Variants in PCLO observed in about 807,000 individuals in gnomAD.
The protein encoded by PCLO is protein piccolo.
In PCLO, 82 loss-of-function variants were observed where a neutral mutation model predicts 427.5. That is an observed-to-expected ratio of 0.19 (90% CI 0.16 to 0.23). PCLO has a LOEUF of 0.23. Ranked by LOEUF, PCLO falls within the 10% of genes least tolerant of loss-of-function variation. The probability of loss-of-function intolerance (pLI) is 1.00; values close to 1 mark genes in which losing one functional copy is unlikely to be tolerated. For synonymous variants in PCLO, 2,357 were observed against 2,155.4 expected (o/e 1.09, Z -2.59); for missense variants, 6,239 against 6,115.9 (o/e 1.02, Z -0.67).
intron 3 of PCLO, among the ~76,000 whole-genome samples, chr7:83,075,095 C>T (rs528379020): frequency 5.7e-4 from 86 of 152,166 alleles, no homozygotes; most frequent in South Asian, 1.4e-3. Context: ...CTTAGAGACC[C>T]TTGCTGAAAT....
In PCLO at chr7:82,955,621, C is replaced by T; in HGVS notation, c.5332G>A (p.Glu1778Lys). ...PTIEDSSEEE[E>K]LREEEELLKE... ...AATAATTCTTCTTCCTCTCTCAATT[C>T]TTCTTCCTCTGAAGAATCTTCAATA... The change falls in exon 5 of 25, where the codon GAA becomes AAA. Residue 1778 changes from glutamate to lysine, a missense_variant. Glu to Lys is a moderately conservative substitution (Grantham distance 56). Coordinates refer to ENST00000333891, the MANE Select transcript of PCLO (RefSeq NM_033026.6). 6.2e-7 allele frequency: 1 copy of T among 1,613,920 alleles called. No homozygotes were observed. Among genetic ancestry groups the T allele is most frequent in the Non-Finnish European group, 8.5e-7 (1 of 1,179,864 alleles).
intron 22 of PCLO, 113 bp downstream of exon 22, chr7:82,801,405 C>G (rs934322862): frequency 3.3e-6 from 2 of 613,232 alleles, no homozygotes; most frequent in African/African-American, 3.8e-5. Context: ...CTACCTATTG[C>G]TTTTGCCATT....
chr7:82,812,727 A>AT (rs1266586582), intron 20 of PCLO, among the ~76,000 whole-genome samples: 1 of 151,608 alleles, frequency 6.6e-6, no homozygotes, highest in Admixed American at 6.6e-5. Context: ...GATTAATAGC[A>AT]TGGGGGATCA....
intron 3 of PCLO, among the ~76,000 whole-genome samples, chr7:83,043,852 T>C (rs912406121): frequency 6.6e-6 from 1 of 152,004 alleles, no homozygotes; most frequent in Admixed American, 6.6e-5. Flanking sequence ...AATCATAACC[T>C]TGTTTTCTTC....
Position 82,956,446 on chromosome 7 carries a change from T to G in PCLO, c.4507A>C (p.Ile1503Leu), listed in dbSNP as rs779343480. 6.2e-7 allele frequency: 1 copy of G among 1,613,790 alleles called. No individual in the cohort carries two copies. Among genetic ancestry groups the G allele is most frequent in the Admixed American group, 1.7e-5 (1 of 60,016 alleles). ...TCATAAGGCTCTCTTCTAGTAGTTA[T>G]GTCATCAACAAACTCAGACTTCTCT... ...HKEKSEFVDD[I>L]TTRREPYDSV... Residue 1503 changes from isoleucine (I) to leucine (L), a missense_variant, in exon 5 of 25, where the codon ATA (isoleucine) becomes CTA (leucine). Ile to Leu is a conservative substitution (Grantham distance 5). Transcript: ENST00000333891.
rs1796264289 is a variant in PCLO, at chr7:82,986,705, T to C, written c.3301-20218A>G. Among the ~76,000 whole-genome samples, 4 of 152,018 alleles carry C rather than the reference T, an allele frequency of 2.6e-5. No homozygotes were observed. The South Asian group carries it at 8.3e-4, about 31-fold the overall frequency. On this transcript the variant is annotated intron_variant, in intron 3 of 24. Coordinates refer to ENST00000333891, the MANE Select transcript of PCLO (RefSeq NM_033026.6). ...AAGGCACATTTAATTAAAAGTTGAG[T>C]TGATGTCTAAAATGGGGATAGATTG...
intron 6 of PCLO, among the ~76,000 whole-genome samples, chr7:82,930,238 T>C (rs1218006777): frequency 6.6e-6 from 1 of 152,038 alleles, no homozygotes; most frequent in Admixed American, 6.6e-5. Flanking sequence ...AAAACACAAG[T>C]ACACGTATGT....
chr7:83,005,977 TTTTG>T (rs1041403469), intron 3 of PCLO, among the ~76,000 whole-genome samples: 2 of 151,642 alleles, frequency 1.3e-5, no homozygotes, highest in Non-Finnish European at 3.0e-5. Flanking sequence ...AAGTATGAAT[TTTTG>T]TTTGTTTCCT....
In PCLO at chr7:82,754,782, A is replaced by G. The variant is rs1368688398; in HGVS notation, c.*3793T>C. ...TACACCCAAGGCAAGTAATTATTAA[A>G]TAAATAGCTCATAATTATTCATTGA... On this transcript the variant is annotated 3_prime_UTR_variant, in exon 25 of 25. Coordinates refer to ENST00000333891, the MANE Select transcript of PCLO (RefSeq NM_033026.6). 6.6e-6 allele frequency: 1 copy of G among 152,112 alleles called. No individual in the cohort carries two copies. The highest frequency in any genetic ancestry group is 1.5e-5 in the Non-Finnish European group (1 of 67,970). The allele number at this position is 152,112 out of a possible 1,614,324, so 9.4% of individuals were successfully genotyped here. A position where few individuals can be genotyped will look rare whatever the true frequency, so the allele number is the denominator to read the frequency against.
In PCLO at chr7:83,162,870, G is replaced by A; in HGVS notation, c.-278C>T. 1 of 490,228 alleles carries A rather than the reference G, an allele frequency of 2.0e-6. No individual in the cohort carries two copies. The highest frequency in any genetic ancestry group is 2.1e-5 in the African/African-American group (1 of 48,470). The allele number at this position is 490,228 out of a possible 1,614,324, so 30.4% of individuals were successfully genotyped here. A position where few individuals can be genotyped will look rare whatever the true frequency, so the allele number is the denominator to read the frequency against. On this transcript the variant is annotated 5_prime_UTR_variant, in exon 1 of 25. Coordinates refer to ENST00000333891, the MANE Select transcript of PCLO (RefSeq NM_033026.6). ...GACGCCGCCTCGGCGCCCCGAGCCG[G>A]GGAGAAGCAGATCTGAGCGGTGCCA...
chr7:82,776,541 T>C (rs1790754197), intron 22 of PCLO, among the ~76,000 whole-genome samples: 2 of 152,236 alleles, frequency 1.3e-5, no homozygotes, highest in African/African-American at 4.8e-5. Flanking sequence ...ATGCCTGTAA[T>C]CCCAGCACTT....
intron 13 of PCLO, 68 bp from the exon 14 acceptor site, chr7:82,841,577 C>T (rs1792367389): frequency 9.9e-7 from 1 of 1,006,944 alleles, no homozygotes; most frequent in Non-Finnish European, 1.5e-6. Context: ...ATTTCGGCTT[C>T]CTTCTGAAAT....
In PCLO at chr7:82,949,477, G is replaced by T. The variant is rs530909855; in HGVS notation, c.11111C>A (p.Thr3704Lys). Residue 3704 changes from threonine to lysine, a missense_variant and splice_region_variant, in exon 6 of 25, where the codon ACG (threonine) becomes AAG (lysine). Thr to Lys is a moderately conservative substitution (Grantham distance 78). Transcript: ENST00000333891. Reference sequence around the variant, plus strand: ...CCAACTGAAAAGAATCACTCTTACCGTATAGCCCTCGGTATACTGAAAAGG... The same window carrying T: ...CCAACTGAAAAGAATCACTCTTACCTTATAGCCCTCGGTATACTGAAAAGG... The part of the protein sequence containing the change: ...RAPFQYTEGY[T>K]TKGSQTMTSS... 6.3e-7 allele frequency: 1 copy of T among 1,584,152 alleles called. No homozygotes were observed. Among genetic ancestry groups the T allele is most frequent in the Non-Finnish European group, 8.6e-7 (1 of 1,166,128 alleles).
At chr7:83,031,929 T>C (rs1248757604) in intron 3 of PCLO, among the ~76,000 whole-genome samples, 1 of 152,178 alleles carries the variant, frequency 6.6e-6, no homozygotes, top group East Asian at 1.9e-4. Flanking sequence ...AGGACTACCC[T>C]TGATATGTCT....
chr7:82,761,384 T>C lies in PCLO; in HGVS notation c.15117A>G (p.Lys5039=). The part of the protein sequence containing the change: ...EILQCRNITY[K]FKSPDHLPDL... Reference sequence around the variant, plus strand: ...CTGGTAGATGATCAGGAGACTTAAATTTGTATGTAATATTTCTGCATTGGA... The same window carrying C: ...CTGGTAGATGATCAGGAGACTTAAACTTGTATGTAATATTTCTGCATTGGA... The change falls in exon 23 of 25, where the codon AAA becomes AAG. Residue 5039 remains lysine (K), a synonymous_variant. Coordinates refer to ENST00000333891, the MANE Select transcript of PCLO (RefSeq NM_033026.6). 1 of 1,510,158 alleles carries C rather than the reference T, an allele frequency of 6.6e-7. No homozygotes were observed. 93.5% of individuals were successfully genotyped at this position (1,510,158 alleles called of 1,614,324 possible).
chr7:82,902,787 T>G, intron 8 of PCLO, 46 bp from the exon 9 acceptor site: 2 of 923,670 alleles, frequency 2.2e-6, no homozygotes, highest in Non-Finnish European at 3.6e-6. Flanking sequence ...TTAAAGACAC[T>G]TAAAGTGCAA....
intron 3 of PCLO, among the ~76,000 whole-genome samples, chr7:83,097,051 AAT>A (rs1245624832): frequency 3.1e-5 from 1 of 32,518 alleles, no homozygotes; most frequent in Non-Finnish European, 5.0e-5. Flanking sequence ...ATATTATATA[AAT>A]ATATTATACA....
At chr7:83,028,975 T>G (rs1220119636) in intron 3 of PCLO, among the ~76,000 whole-genome samples, 7 of 152,180 alleles carry the variant, frequency 4.6e-5, no homozygotes, top group Middle Eastern at 3.4e-3. Context: ...GATTAAAGAC[T>G]TAAACGTCAG....
chr7:82,878,605 T>C lies in PCLO; in HGVS notation c.13654+732A>G, dbSNP rs543143104. On this transcript the variant is annotated intron_variant, in intron 10 of 24. Transcript: ENST00000333891. ...ATGTATTTTGAGAATCTAGGTCTAA[T>C]ATTTTACTGAATGAAAATGATTAAG... Among the ~76,000 whole-genome samples the C allele has an allele frequency of 2.0e-5, 3 of 152,190 alleles. No individual in the cohort carries two copies. In the South Asian group the frequency reaches 6.2e-4, roughly 32 times the overall value.
Sources: gnomAD v4.1 joint callset for allele counts (sites outside exome capture counted in the v4.1 genomes callset) on GRCh38, gnomAD v4.1.1 for gene constraint, MANE v1.5 for transcripts, NCBI Gene and HGNC (gene_info 2026-07-23, HGNC 2026-07-21) for gene names.